Variants in CHCHD3 observed in about 807,000 individuals in gnomAD.
CHCHD3 encodes coiled-coil-helix-coiled-coil-helix domain containing 3.
CHCHD3 carries 20 observed loss-of-function variants against 38.2 expected under a neutral mutation model. The ratio of observed to expected loss-of-function variants is 0.52; its 90% CI spans 0.37 to 0.76. CHCHD3 has a LOEUF of 0.76. Ranked by LOEUF, CHCHD3 falls within the 30% of genes least tolerant of loss-of-function variation. CHCHD3 has a pLI of 0.00. For synonymous variants in CHCHD3, 82 were observed against 100.0 expected (o/e 0.82, Z 1.07); for missense variants, 245 against 279.2 (o/e 0.88, Z 0.87).
At position 132,785,607 on chromosome 7, in the gene CHCHD3, T is replaced by C. The variant is rs756237425; in HGVS notation, c.*30A>G. 65 of 1,611,836 alleles carry C rather than the reference T, an allele frequency of 4.0e-5. No individual in the cohort carries two copies. Among genetic ancestry groups the C allele is most frequent in the Non-Finnish European group, 5.2e-5 (61 of 1,178,244 alleles). On this transcript the variant is annotated 3_prime_UTR_variant, in exon 8 of 8. Transcript: ENST00000262570. ...AAATGTTCCATCTCTGGAATTAACG[T>C]TGATGGTGTTTTGCTCATTCTGAAA... is the stretch of plus-strand genomic sequence containing the variant.
chr7:132,856,579 G>A (rs933591320), intron 5 of CHCHD3, among the ~76,000 whole-genome samples: 2 of 152,148 alleles, frequency 1.3e-5, no homozygotes, highest in South Asian at 2.1e-4. Flanking sequence ...TCTGAACGTC[G>A]CCTTATTGCT....
intron 5 of CHCHD3, among the ~76,000 whole-genome samples, chr7:132,848,180 C>A (rs1808128319): frequency 6.6e-6 from 1 of 152,190 alleles, no homozygotes; most frequent in South Asian, 2.1e-4. Context: ...ACAACACAAG[C>A]AAACACAAGT....
intron 4 of CHCHD3, among the ~76,000 whole-genome samples, chr7:132,959,179 ACCTAACTCCCAAATGAGC>A (rs1389490783): frequency 6.6e-6 from 1 of 152,188 alleles, no homozygotes; most frequent in African/African-American, 2.4e-5. Flanking sequence ...TTCTACCTAC[ACCTAACTCCCAAATGAGC>A]TCTAACTCCC....
Position 132,838,383 on chromosome 7 carries a change from A to G in CHCHD3, c.524+16T>C. 1 of 1,536,448 alleles carries G rather than the reference A, an allele frequency of 6.5e-7. No individual in the cohort carries two copies. Among genetic ancestry groups the G allele is most frequent in the Non-Finnish European group, 9.0e-7 (1 of 1,112,210 alleles). On this transcript the variant is annotated intron_variant, in intron 6 of 7. Coordinates refer to ENST00000262570, the MANE Select transcript of CHCHD3 (RefSeq NM_017812.4). ...GTTAAGAATAGTAAATAATTATAAT[A>G]CTATTAAAAACTTACTTGAACTTTG...
rs56259114 is a variant in CHCHD3, at chr7:132,879,716, TAAAAAAAAAAAAAAAAA to T, written c.453+5929_453+5945del. On this transcript the variant is annotated intron_variant, in intron 5 of 7. Transcript: ENST00000262570. Reference sequence around the variant, plus strand: ...AACTATCAGAACACTTTGTCAAAAGTAAAAAAAAAAAAAAAAAAAAAAAAAAAAAAGGTTTGCTTTCT... The same window carrying T: ...AACTATCAGAACACTTTGTCAAAAGTAAAAAAAAAAAAAGGTTTGCTTTCT... Among the ~76,000 whole-genome samples the T allele has an allele frequency of 1.3e-4, 5 of 38,432 alleles. 1 individual carries two copies. Among genetic ancestry groups the T allele is most frequent in the African/African-American group, 5.2e-4 (5 of 9,526 alleles). 25.2% of individuals were successfully genotyped at this position (38,432 alleles called of 152,430 possible).
intron 2 of CHCHD3, among the ~76,000 whole-genome samples, chr7:133,026,974 G>A (rs1399656859): frequency 6.7e-6 from 1 of 150,042 alleles, no homozygotes; most frequent in Non-Finnish European, 1.5e-5. Context: ...GTCTTGCTCT[G>A]TTGCCCAGGT....
chr7:132,975,383 C>CA, intron 3 of CHCHD3, 97 bp from the exon 4 acceptor site: 1 of 1,004,342 alleles, frequency 1.0e-6, no homozygotes. Context: ...AACACATAGC[C>CA]AAAAAGGTCA....
At chr7:132,917,239 G>C (rs1810129544) in intron 4 of CHCHD3, among the ~76,000 whole-genome samples, 1 of 151,850 alleles carries the variant, frequency 6.6e-6, no homozygotes, top group South Asian at 2.1e-4. Context: ...TCCATCTAAG[G>C]GGGAACTAGT....
At chr7:132,903,158 C>T (rs1303987738) in intron 4 of CHCHD3, among the ~76,000 whole-genome samples, 1 of 152,208 alleles carries the variant, frequency 6.6e-6, no homozygotes, top group Non-Finnish European at 1.5e-5. Flanking sequence ...AATCCACAAA[C>T]GCTCAAGTCC....
intron 2 of CHCHD3, among the ~76,000 whole-genome samples, chr7:133,055,412 T>C (rs1294901471): frequency 6.9e-6 from 1 of 145,062 alleles, no homozygotes; most frequent in African/African-American, 2.5e-5. Flanking sequence ...AGTTATGTTA[T>C]ATAGTAATCA....
intron 4 of CHCHD3, among the ~76,000 whole-genome samples, chr7:132,905,196 A>G (rs1344967236): frequency 6.6e-6 from 1 of 152,072 alleles, no homozygotes; most frequent in Non-Finnish European, 1.5e-5. Flanking sequence ...ATGTATACCT[A>G]TGTAACAAAC....
chr7:132,888,712 T>C (rs993488488), intron 4 of CHCHD3, among the ~76,000 whole-genome samples: 1 of 151,998 alleles, frequency 6.6e-6, no homozygotes, highest in African/African-American at 2.4e-5. Flanking sequence ...ATTATAAAGA[T>C]TTTGATCCAG....
At chr7:133,014,789 G>T (rs1014176757) in intron 3 of CHCHD3, among the ~76,000 whole-genome samples, 2 of 152,060 alleles carry the variant, frequency 1.3e-5, no homozygotes, top group Non-Finnish European at 1.5e-5. Flanking sequence ...CAAGAAAGAA[G>T]TTAACAAATT....
chr7:132,845,242 T>C (rs1056256913), intron 5 of CHCHD3: 1 of 152,164 alleles, frequency 6.6e-6, no homozygotes, highest in South Asian at 2.1e-4. Flanking sequence ...AATAAGGTAA[T>C]ATATGTAAAA....
At chr7:132,891,729 T>A (rs1809366415) in intron 4 of CHCHD3, among the ~76,000 whole-genome samples, 1 of 152,218 alleles carries the variant, frequency 6.6e-6, no homozygotes, top group Non-Finnish European at 1.5e-5. Context: ...GTAATCCCCA[T>A]AATCCCCACA....
At chr7:132,914,127 T>C (rs1810040498) in intron 4 of CHCHD3, among the ~76,000 whole-genome samples, 1 of 75,046 alleles carries the variant, frequency 1.3e-5, no homozygotes, top group Admixed American at 2.0e-4. Flanking sequence ...GCCTGGCGTG[T>C]GTGTGTGTGT....
intron 5 of CHCHD3, among the ~76,000 whole-genome samples, chr7:132,850,626 C>A (rs1808198399): frequency 6.6e-6 from 1 of 152,040 alleles, no homozygotes; most frequent in African/African-American, 2.4e-5. Context: ...TCTAAGTTTC[C>A]TTTTATTTGT....
intron 3 of CHCHD3, among the ~76,000 whole-genome samples, chr7:133,001,338 T>A (rs954983259): frequency 1.3e-5 from 2 of 152,146 alleles, no homozygotes; most frequent in Non-Finnish European, 2.9e-5. Flanking sequence ...TTCTCTCACA[T>A]CTAACACTGC....
intron 2 of CHCHD3, among the ~76,000 whole-genome samples, chr7:133,037,622 G>C (rs1813716073): frequency 6.6e-6 from 1 of 152,106 alleles, no homozygotes. Context: ...AGACCGGCCT[G>C]GCCAACATGG....
Sources: gnomAD v4.1 joint callset for allele counts (sites outside exome capture counted in the v4.1 genomes callset) on GRCh38, gnomAD v4.1.1 for gene constraint, MANE v1.5 for transcripts, NCBI Gene and HGNC (gene_info 2026-07-23, HGNC 2026-07-21) for gene names.